RGS3: variants seen among roughly 807,000 people sequenced by gnomAD.
The protein encoded by RGS3 is regulator of G-protein signalling 3.
RGS3 carries 80 observed loss-of-function variants against 132.6 expected under a neutral mutation model. The ratio of observed to expected loss-of-function variants is 0.60; its 90% confidence interval spans 0.50 to 0.73. The LOEUF is 0.73. Among genes scored for constraint, RGS3 ranks in the 30% least tolerant of loss-of-function variants. The pLI is 0.00. For missense variants in RGS3, 1,382 were observed against 1,530.8 expected (o/e 0.90, Z 1.62); for synonymous variants, 598 against 620.6 (o/e 0.96, Z 0.54).
At chr9:113,447,329 G>GTATATATGTATATATATACATA (rs1305095004) in intron 1 of RGS3, among the ~76,000 whole-genome samples, 1 of 27,536 alleles carries the variant, frequency 3.6e-5, no homozygotes, top group Non-Finnish European at 7.5e-5. Context: ...GTATGTATAT[G>GTATATATGTATATATATACATA]TATATATATA....
chr9:113,445,999 C>T (rs1240383552), intron 1 of RGS3, among the ~76,000 whole-genome samples: 1 of 152,112 alleles, frequency 6.6e-6, no homozygotes, highest in Non-Finnish European at 1.5e-5. Flanking sequence ...TTATAGAAAA[C>T]CCCTTGGGTT....
intron 1 of RGS3, among the ~76,000 whole-genome samples, chr9:113,450,852 G>A (rs1443465107): frequency 1.3e-5 from 2 of 152,082 alleles, no homozygotes; most frequent in South Asian, 4.1e-4. Flanking sequence ...ACTGCGGAGT[G>A]AATGAAGTTT....
chr9:113,549,750 A>T (rs77231895), intron 19 of RGS3, among the ~76,000 whole-genome samples: 1 of 152,206 alleles, frequency 6.6e-6, no homozygotes, highest in Non-Finnish European at 1.5e-5. Context: ...ATTTCAATAA[A>T]TATTCTTCTA....
At chr9:113,581,905 G>A (rs556166181) in intron 19 of RGS3, 12 of 386,722 alleles carry the variant, frequency 3.1e-5, no homozygotes, top group East Asian at 1.6e-4. Context: ...AGCCTAAGGC[G>A]TGCCCTTCCC....
At chr9:113,566,476 C>T (rs969479336) in intron 19 of RGS3, among the ~76,000 whole-genome samples, 1 of 152,068 alleles carries the variant, frequency 6.6e-6, no homozygotes, top group African/African-American at 2.4e-5. Context: ...CCCTTGAACC[C>T]TAGGACTCAG....
rs200178891 is a variant in RGS3 at position 113,529,303 on chromosome 9, G to A, written c.1914+39G>A. 1.8e-4 allele frequency: 272 copies of A among 1,526,806 alleles called. 1 individual carries two copies. The African/African-American group carries it at 3.3e-3, about 18-fold the overall frequency. 94.6% of individuals were successfully genotyped at this position (1,526,806 alleles called of 1,614,324 possible). On this transcript the variant is annotated intron_variant, in intron 18 of 24. Coordinates refer to ENST00000350696, the Ensembl canonical transcript of RGS3. The stretch of plus-strand genomic sequence containing the variant: ...TCTGGATTTGAGGAGAGAGATCTTC[G>A]ACCTGGTGCTTGAGGGGAGACACTG...
chr9:113,490,681 AAATAT>A (rs1281000288), intron 7 of RGS3, among the ~76,000 whole-genome samples: 4 of 144,464 alleles, frequency 2.8e-5, no homozygotes, highest in African/African-American at 5.0e-5. Context: ...ATAATATATA[AAATAT>A]AATATATTAT....
intron 4 of RGS3, among the ~76,000 whole-genome samples, chr9:113,480,458 C>CA (rs755925249): frequency 0.077 from 5,012 of 64,812 alleles, 175 homozygotes; most frequent in South Asian, 0.15. Context: ...GACTCCGTCT[C>CA]AAAAAAAAAA....
At chr9:113,492,529 C>T (rs1325469176) in intron 7 of RGS3, among the ~76,000 whole-genome samples, 1 of 152,198 alleles carries the variant, frequency 6.6e-6, no homozygotes, top group African/African-American at 2.4e-5. Flanking sequence ...GCCTGCCAAC[C>T]GTGGACGTGA....
intron 19 of RGS3, among the ~76,000 whole-genome samples, chr9:113,554,619 G>A (rs1255697148): frequency 6.6e-6 from 1 of 152,120 alleles, no homozygotes; most frequent in Non-Finnish European, 1.5e-5. Context: ...ATTTTATGTT[G>A]ATCAGTCACC....
chr9:113,445,971 G>A (rs1829090956), intron 1 of RGS3, among the ~76,000 whole-genome samples: 1 of 152,170 alleles, frequency 6.6e-6, no homozygotes, highest in African/African-American at 2.4e-5. Flanking sequence ...GACCCACCGT[G>A]CCCAGAATGT....
At chr9:113,549,723 A>C (rs1359488118) in intron 19 of RGS3, among the ~76,000 whole-genome samples, 1 of 152,236 alleles carries the variant, frequency 6.6e-6, no homozygotes, top group Non-Finnish European at 1.5e-5. Flanking sequence ...TTAACAGCGT[A>C]GTGTATCCAT....
rs942740977 is a variant in RGS3, at chr9:113,479,248, C to G, written c.416-243C>G. ...GCTGCCTGTACAGTAGTGAGCTCCC[C>G]ATCACCAGAGGGGCACAAGCAAGGC... On this transcript the variant is annotated intron_variant, in intron 3 of 24. Coordinates refer to ENST00000350696, the Ensembl canonical transcript of RGS3. The G allele has an allele frequency of 9.0e-6, 5 of 555,054 alleles. No individual in the cohort carries two copies. In the African/African-American group the frequency reaches 9.5e-5, roughly 10 times the overall value. 34.4% of individuals were successfully genotyped at this position (555,054 alleles called of 1,614,324 possible).
Position 113,591,425 on chromosome 9 carries a change from C to T in RGS3, c.3080+28C>T, listed in dbSNP as rs760975961. ...ACGTTGGGAAGATCCCTGGCTTCTG[C>T]GCTCCTCTTCCTCCCTTGCCCCAGG... is the stretch of plus-strand genomic sequence containing the variant. On this transcript the variant is annotated intron_variant, in intron 21 of 24. Coordinates refer to ENST00000350696, the Ensembl canonical transcript of RGS3. The surrounding 1 kb of genome is among the most constrained non-coding windows in gnomAD (Gnocchi z 4.4). The T allele has an allele frequency of 9.9e-5, 158 of 1,596,672 alleles. No homozygotes were observed. Among genetic ancestry groups the T allele is most frequent in the Non-Finnish European group, 1.3e-4 (149 of 1,164,822 alleles).
chr9:113,462,193 A>G, exon 3 of RGS3: 2 of 1,610,250 alleles, frequency 1.2e-6, no homozygotes, highest in East Asian at 4.5e-5. Flanking sequence ...GCCAAAGTCC[A>G]GGGTGCAGGT....
intron 19 of RGS3, chr9:113,582,715 AG>A (rs1369378929): frequency 6.6e-6 from 1 of 152,134 alleles, no homozygotes; most frequent in African/African-American, 2.4e-5. Flanking sequence ...TAGGATCCCG[AG>A]GGTTGTGTGT....
exon 25 of RGS3, chr9:113,597,178 G>C (rs1176053590): frequency 4.2e-6 from 2 of 474,808 alleles, no homozygotes; most frequent in Non-Finnish European, 7.4e-6. Context: ...GTACGAGGGG[G>C]CCCAAGACCC....
At chr9:113,512,703 C>A (rs1831460870) in intron 14 of RGS3, among the ~76,000 whole-genome samples, 1 of 152,144 alleles carries the variant, frequency 6.6e-6, no homozygotes, top group East Asian at 1.9e-4. Flanking sequence ...CAGCCTGCAC[C>A]CAGGACCCAG....
At chr9:113,460,275 C>T (rs113797410) in exon 1 of RGS3, 78,452 of 825,848 alleles carry the variant, frequency 0.095, 4,273 homozygotes, top group Non-Finnish European at 0.1. Context: ...AATCCCAGCA[C>T]TTTGGGAGGT....
Sources: gnomAD v4.1 joint callset for allele counts (sites outside exome capture counted in the v4.1 genomes callset) on GRCh38, gnomAD v4.1.1 for gene constraint, Gnocchi (gnomAD v3.1) non-coding constraint, MANE v1.5 for transcripts, NCBI Gene and HGNC (gene_info 2026-07-23, HGNC 2026-07-21) for gene names.